Variants in CTNND2 observed in about 807,000 individuals in gnomAD.
CTNND2 encodes catenin delta-2.
In CTNND2, 22 loss-of-function variants were observed where a neutral mutation model predicts 144.4. The observed-to-expected ratio is 0.15, with a 90% CI of 0.11 to 0.22. The LOEUF is 0.22. Among genes scored for constraint, CTNND2 ranks in the 10% least tolerant of loss-of-function variants. The pLI, the probability that CTNND2 is intolerant of heterozygous loss-of-function variation, is 1.00. For synonymous variants in CTNND2, 751 were observed against 695.6 expected (o/e 1.08, Z -1.25); for missense variants, 1,353 against 1,618.8 (o/e 0.84, Z 2.82).
chr5:11,504,560 G>A (rs1333326939), intron 3 of CTNND2, among the ~76,000 whole-genome samples: 1 of 152,088 alleles, frequency 6.6e-6, no homozygotes, highest in Non-Finnish European at 1.5e-5. Flanking sequence ...TGGCATCCAC[G>A]AGGGCTTCCC....
chr5:11,271,013 T>C (rs1253416761), intron 9 of CTNND2, among the ~76,000 whole-genome samples: 2 of 152,218 alleles, frequency 1.3e-5, no homozygotes, highest in African/African-American at 4.8e-5. Flanking sequence ...ACTTTAGTTC[T>C]ATTTTAAAAA....
chr5:11,385,563 G>A (rs1254424174), intron 6 of CTNND2, among the ~76,000 whole-genome samples: 1 of 152,132 alleles, frequency 6.6e-6, no homozygotes, highest in Non-Finnish European at 1.5e-5. Flanking sequence ...GCCCCACCCC[G>A]ACAGGGCAAT....
At chr5:11,369,092 C>G (rs1472333222) in intron 7 of CTNND2, among the ~76,000 whole-genome samples, 1 of 152,022 alleles carries the variant, frequency 6.6e-6, no homozygotes, top group Non-Finnish European at 1.5e-5. Flanking sequence ...AAATAACAAC[C>G]ATTTTTCTGA....
chr5:11,185,685 T>A (rs923288963), intron 11 of CTNND2, among the ~76,000 whole-genome samples: 1 of 152,202 alleles, frequency 6.6e-6, no homozygotes, highest in Non-Finnish European at 1.5e-5. Context: ...CTGAGTTTCA[T>A]CCTCTAACGG....
At chr5:11,368,545 G>A (rs1006687106) in intron 7 of CTNND2, among the ~76,000 whole-genome samples, 1 of 152,200 alleles carries the variant, frequency 6.6e-6, no homozygotes, top group South Asian at 2.1e-4. Context: ...ATGTTGACAC[G>A]TTTAATCCTT....
At chr5:11,668,265 A>G (rs1231740444) in intron 2 of CTNND2, among the ~76,000 whole-genome samples, 2 of 152,214 alleles carry the variant, frequency 1.3e-5, no homozygotes, top group East Asian at 3.9e-4. Context: ...TTGGTTCCAT[A>G]TGAAATTTAA....
rs1293364724 is a variant in CTNND2, at chr5:11,098,656, T to A, written c.2556A>T (p.Thr852=). The A allele has an allele frequency of 6.2e-7, 1 of 1,614,058 alleles. No individual in the cohort carries two copies. Among genetic ancestry groups the A allele is most frequent in the Non-Finnish European group, 8.5e-7 (1 of 1,179,970 alleles). The part of the protein sequence containing the change: ...WHPSIVKPYL[T]LLSECSNPDT... ...CTGGATTTGAGCACTCAGAGAGCAG[T>A]GTGAGGTAGGGTTTGACTATTGATG... The change falls in exon 15 of 22, where the codon ACA becomes ACT. Residue 852 remains threonine (T), a synonymous_variant. Transcript: ENST00000304623.
intron 8 of CTNND2, among the ~76,000 whole-genome samples, chr5:11,364,172 A>G (rs578078784): frequency 6.6e-6 from 1 of 152,332 alleles, no homozygotes; most frequent in Non-Finnish European, 1.5e-5. Flanking sequence ...AACCATTTGC[A>G]ATTGCCAACA....
intron 9 of CTNND2, among the ~76,000 whole-genome samples, chr5:11,275,468 G>A (rs986968081): frequency 1.3e-5 from 2 of 152,190 alleles, no homozygotes; most frequent in African/African-American, 4.8e-5. Flanking sequence ...TTCAAATTCT[G>A]CCCCGTGGAT....
intron 18 of CTNND2, among the ~76,000 whole-genome samples, chr5:11,001,045 T>C (rs1739906485): frequency 6.6e-6 from 1 of 152,174 alleles, no homozygotes; most frequent in South Asian, 2.1e-4. Context: ...TTGACTTCTA[T>C]AGTAACAAAA....
chr5:11,382,599 G>GTATA (rs749836379), intron 7 of CTNND2, among the ~76,000 whole-genome samples: 10,313 of 81,354 alleles, frequency 0.13, 571 homozygotes, highest in African/African-American at 0.2. Context: ...GAGACTCTGT[G>GTATA]TGTGTGTGTG....
chr5:11,036,819 C>G (rs1459595868), intron 16 of CTNND2, among the ~76,000 whole-genome samples: 1 of 152,188 alleles, frequency 6.6e-6, no homozygotes, highest in African/African-American at 2.4e-5. Flanking sequence ...AAATAATTGG[C>G]TATGTTCAGC....
intron 10 of CTNND2, 141 bp downstream of exon 10, chr5:11,236,550 G>A (rs957997651): frequency 1.8e-5 from 17 of 920,544 alleles, no homozygotes; most frequent in Admixed American, 1.4e-4. Flanking sequence ...GATGAAACAT[G>A]CTATGTTCTA....
At chr5:11,282,478 T>C (rs1235438163) in intron 9 of CTNND2, among the ~76,000 whole-genome samples, 1 of 152,172 alleles carries the variant, frequency 6.6e-6, no homozygotes, top group Non-Finnish European at 1.5e-5. Flanking sequence ...AAGGTGGTTC[T>C]GATAAGCTCC....
chr5:11,017,032 C>T (rs1741681888), intron 18 of CTNND2, among the ~76,000 whole-genome samples: 1 of 152,074 alleles, frequency 6.6e-6, no homozygotes. Context: ...CTACCTCAGC[C>T]TCCCAACATG....
At chr5:11,344,134 G>C (rs1264660642) in intron 9 of CTNND2, among the ~76,000 whole-genome samples, 1 of 152,222 alleles carries the variant, frequency 6.6e-6, no homozygotes, top group African/African-American at 2.4e-5. Flanking sequence ...GCCGGGCGCG[G>C]TGGCTCACGC....
At chr5:11,530,021 T>C (rs941886007) in intron 3 of CTNND2, among the ~76,000 whole-genome samples, 1 of 151,034 alleles carries the variant, frequency 6.6e-6, no homozygotes, top group African/African-American at 2.4e-5. Context: ...ATATTGTACC[T>C]TGCAGTAAGC....
chr5:11,597,693 C>G (rs959717639), intron 2 of CTNND2, among the ~76,000 whole-genome samples: 2 of 151,994 alleles, frequency 1.3e-5, no homozygotes, highest in African/African-American at 2.4e-5. Context: ...CCCACTGTAG[C>G]CTTCCAAGTA....
intron 1 of CTNND2, among the ~76,000 whole-genome samples, chr5:11,859,144 C>T (rs971533529): frequency 1.3e-5 from 2 of 152,208 alleles, no homozygotes; most frequent in Non-Finnish European, 2.9e-5. Flanking sequence ...GCATCTCCTT[C>T]ACGACTGTCT....
Sources: gnomAD v4.1 joint callset for allele counts (sites outside exome capture counted in the v4.1 genomes callset) on GRCh38, gnomAD v4.1.1 for gene constraint, MANE v1.5 for transcripts, NCBI Gene and HGNC (gene_info 2026-07-23, HGNC 2026-07-21) for gene names.